Variants in SLC5A1 observed in about 807,000 individuals in gnomAD.
The protein encoded by SLC5A1 is sodium/glucose cotransporter 1.
A neutral mutation model predicts 73.5 loss-of-function variants in SLC5A1; 42 were observed. The ratio of observed to expected loss-of-function variants is 0.57; its 90% CI spans 0.45 to 0.74. SLC5A1 has a LOEUF of 0.74. Ranked by LOEUF, SLC5A1 falls within the 30% of genes least tolerant of loss-of-function variation. The pLI is 0.00. For synonymous variants in SLC5A1, 300 were observed against 317.4 expected (o/e 0.95, Z 0.58); for missense variants, 634 against 855.4 (o/e 0.74, Z 3.23).
rs1429758997 is a variant in SLC5A1 at position 32,069,501 on chromosome 22, G to T, written c.477+901G>T. ...TTTGAGGCCACCCTGGGCAAAGGTA[G>T]TGAGAACCTGCCTCTTAAAAAAAAA... On this transcript the variant is annotated intron_variant, in intron 5 of 14. Coordinates refer to ENST00000266088, the MANE Select transcript of SLC5A1 (RefSeq NM_000343.4). Among the ~76,000 whole-genome samples, 4 of 151,130 alleles carry T rather than the reference G, an allele frequency of 2.6e-5. No homozygotes were observed. In the East Asian group the frequency reaches 7.8e-4, roughly 29 times the overall value.
rs531920130 is a variant in SLC5A1 at position 32,082,066 on chromosome 22, T to A, written c.583+95T>A. ...AAGTAGGAGAGGTGGTTTCTCTTCT[T>A]GAGGAGAGATACACTCAGGTAAGAG... is the stretch of plus-strand genomic sequence containing the variant. On this transcript the variant is annotated intron_variant, in intron 6 of 14. Coordinates refer to ENST00000266088, the MANE Select transcript of SLC5A1 (RefSeq NM_000343.4). The A allele has an allele frequency of 7.4e-4, 612 of 828,164 alleles. 16 individuals are homozygous for A. In the South Asian group the frequency reaches 8.2e-3, roughly 11 times the overall value. 51.3% of individuals were successfully genotyped at this position (828,164 alleles called of 1,614,324 possible). A position where few individuals can be genotyped will look rare whatever the true frequency, so the allele number is the denominator to read the frequency against.
chr22:32,046,367 C>T (rs2093937152), intron 1 of SLC5A1, among the ~76,000 whole-genome samples: 1 of 58,740 alleles, frequency 1.7e-5, no homozygotes, highest in Non-Finnish European at 3.3e-5. Context: ...AATTCCTTTG[C>T]TCTTTTTTTT....
chr22:32,086,818 C>T (rs1035571471), intron 10 of SLC5A1, among the ~76,000 whole-genome samples: 7 of 151,984 alleles, frequency 4.6e-5, no homozygotes, highest in African/African-American at 9.7e-5. Context: ...TAGCATTGTT[C>T]ACAGTAGTCA....
At chr22:32,070,069 C>G (rs1333163011) in intron 5 of SLC5A1, among the ~76,000 whole-genome samples, 1 of 152,078 alleles carries the variant, frequency 6.6e-6, no homozygotes, top group Non-Finnish European at 1.5e-5. Context: ...ATCTAGCCTG[C>G]TGTCCTTGCC....
Position 32,086,230 on chromosome 22 carries a change from C to T in SLC5A1, c.1032C>T (p.Ala344=). ...ISRILYTEKI[A]CVVPSECEKY... ...TCCATCTCTTCCCAGAAAAAATTGC[C>T]TGTGTCGTCCCTTCAGAATGTGAGA... is the stretch of plus-strand genomic sequence containing the variant. The change falls in exon 10 of 15, where the codon GCC becomes GCT. Residue 344 remains alanine (A), a synonymous_variant. Coordinates refer to ENST00000266088, the MANE Select transcript of SLC5A1 (RefSeq NM_000343.4). 1.2e-6 allele frequency: 2 copies of T among 1,612,842 alleles called. No individual in the cohort carries two copies. The highest frequency in any genetic ancestry group is 1.7e-6 in the Non-Finnish European group (2 of 1,178,846).
intron 10 of SLC5A1, among the ~76,000 whole-genome samples, chr22:32,091,091 T>A (rs756933420): frequency 5.9e-5 from 9 of 152,040 alleles, no homozygotes; most frequent in Non-Finnish European, 1.0e-4. Flanking sequence ...CATTTTATTA[T>A]TGAATTTTAG....
At position 32,049,153 on chromosome 22, in the gene SLC5A1, AT is replaced by A. The variant is rs1284579911; in HGVS notation, c.136-788del. On this transcript the variant is annotated intron_variant, in intron 1 of 14. Transcript: ENST00000266088. ...TAATCATTATATATATATAATCTATATTATATATAATCTATATCTATATCTA... is the reference window on the plus strand; with the variant it reads ...TAATCATTATATATATATAATCTATATATATATAATCTATATCTATATCTA... Among the ~76,000 whole-genome samples, 100 of 130,570 alleles carry A rather than the reference AT, an allele frequency of 7.7e-4. 1 individual carries two copies. The highest frequency in any genetic ancestry group is 1.1e-3 in the South Asian group (5 of 4,358). 85.7% of individuals were successfully genotyped at this position (130,570 alleles called of 152,430 possible).
At chr22:32,076,612 A>T (rs989969712) in intron 5 of SLC5A1, among the ~76,000 whole-genome samples, 1 of 152,236 alleles carries the variant, frequency 6.6e-6, no homozygotes, top group African/African-American at 2.4e-5. Context: ...GCTCATTCCC[A>T]GGGCCACTCA....
At chr22:32,091,564 A>G in intron 10 of SLC5A1, 48 bp from the exon 11 acceptor site, 1 of 1,609,118 alleles carries the variant, frequency 6.2e-7, no homozygotes, top group Middle Eastern at 1.7e-4. Flanking sequence ...CAAGTACAAA[A>G]GAGCTGAAGG....
chr22:32,067,840 G>A, intron 3 of SLC5A1, 127 bp from the exon 4 acceptor site: 3 of 961,984 alleles, frequency 3.1e-6, no homozygotes, highest in Non-Finnish European at 5.1e-6. Flanking sequence ...GCCTCCTGCA[G>A]TCTCTAACGG....
chr22:32,087,269 G>A (rs964020532), intron 10 of SLC5A1, among the ~76,000 whole-genome samples: 1 of 152,154 alleles, frequency 6.6e-6, no homozygotes, highest in Non-Finnish European at 1.5e-5. Flanking sequence ...AAAATGTTAA[G>A]TATTTAAGGT....
At chr22:32,082,132 C>T (rs2094001002) in intron 6 of SLC5A1, among the ~76,000 whole-genome samples, 161 bp downstream of exon 6, 1 of 152,170 alleles carries the variant, frequency 6.6e-6, no homozygotes, top group Non-Finnish European at 1.5e-5. Flanking sequence ...CTCATAGACC[C>T]TCCAAGTTAT....
intron 5 of SLC5A1, among the ~76,000 whole-genome samples, chr22:32,075,127 G>A (rs1391148493): frequency 1.4e-5 from 2 of 145,340 alleles, no homozygotes; most frequent in African/African-American, 2.6e-5. Context: ...ACCCAGGCTG[G>A]TCTTGAACTC....
chr22:32,051,935 A>T (rs2093945589), intron 2 of SLC5A1, among the ~76,000 whole-genome samples: 1 of 152,222 alleles, frequency 6.6e-6, no homozygotes, highest in Admixed American at 6.5e-5. Flanking sequence ...TGTTTTGAGG[A>T]CACACACAGA....
In SLC5A1 at chr22:32,067,009, A is replaced by G. The variant is rs780121836; in HGVS notation, c.282A>G (p.Ser94=). 1 of 1,613,554 alleles carries G rather than the reference A, an allele frequency of 6.2e-7. No homozygotes were observed. The highest frequency in any genetic ancestry group is 8.5e-7 in the Non-Finnish European group (1 of 1,179,552). Residue 94 remains serine, a synonymous_variant, in exon 3 of 15, where the codon TCA becomes TCG. Transcript: ENST00000266088. ...FVGLAGTGAA[S]GIAIGGFEWN... is the part of the protein sequence containing the mutation. Reference sequence around the variant, plus strand: ...GGCTGGCCGGGACTGGGGCAGCTTCAGGCATCGCCATTGGAGGCTTTGAAT... The same window carrying G: ...GGCTGGCCGGGACTGGGGCAGCTTCGGGCATCGCCATTGGAGGCTTTGAAT...
At chr22:32,052,311 G>C (rs1007934873) in intron 2 of SLC5A1, among the ~76,000 whole-genome samples, 2 of 152,178 alleles carry the variant, frequency 1.3e-5, no homozygotes, top group Non-Finnish European at 2.9e-5. Flanking sequence ...AAAGAGGACA[G>C]GTTCTCAAAC....
At chr22:32,044,849 A>C (rs1441418720) in intron 1 of SLC5A1, among the ~76,000 whole-genome samples, 4 of 152,166 alleles carry the variant, frequency 2.6e-5, no homozygotes, top group African/African-American at 7.2e-5. Context: ...ATTAAAAAAA[A>C]CTACTATTGT....
intron 6 of SLC5A1, among the ~76,000 whole-genome samples, chr22:32,082,685 G>C (rs1161783900): frequency 1.3e-5 from 2 of 152,110 alleles, no homozygotes; most frequent in East Asian, 3.9e-4. Context: ...CACAGCTTTG[G>C]GGACTAAGAA....
intron 5 of SLC5A1, among the ~76,000 whole-genome samples, chr22:32,073,861 C>CG (rs1338073494): frequency 6.6e-6 from 1 of 152,054 alleles, no homozygotes; most frequent in Non-Finnish European, 1.5e-5. Flanking sequence ...GCCCGGCCCC[C>CG]GGGTTGGTTT....
Sources: allele counts gnomAD v4.1 joint callset (sites outside exome capture counted in the v4.1 genomes callset), GRCh38; gene constraint gnomAD v4.1.1; transcripts MANE v1.5; gene names NCBI Gene and HGNC (gene_info 2026-07-23, HGNC 2026-07-21).